The following KCNU1 variants were observed in gnomAD, a reference collection of about 807,000 sequenced individuals.
KCNU1 encodes the protein potassium calcium-activated channel subfamily U member 1, also known as potassium channel subfamily U member 1.
KCNU1 carries 93 observed loss-of-function variants against 126.8 expected under a neutral mutation model. The ratio of observed to expected loss-of-function variants is 0.73; its 90% CI spans 0.62 to 0.87. The LOEUF (loss-of-function observed/expected upper bound fraction) is 0.87. Ranked by LOEUF, KCNU1 falls within the 40% of genes least tolerant of loss-of-function variation. The pLI is 0.00. For missense variants in KCNU1, 1,330 were observed against 1,367.1 expected, an observed-to-expected ratio of 0.97 and a Z score of 0.43; for synonymous variants, 523 against 494.2, an observed-to-expected ratio of 1.06 and a Z score of -0.77.
At chr8:36,880,114 C>A (rs1806421831) in intron 19 of KCNU1, among the ~76,000 whole-genome samples, 1 of 152,182 alleles carries the variant, frequency 6.6e-6, no homozygotes, top group Non-Finnish European at 1.5e-5. Context: ...GTATAACATG[C>A]AGGACTGGAT....
Position 36,797,634 on chromosome 8 carries a change from C to CT in KCNU1, c.316-6380dup, listed in dbSNP as rs201410162. Among the ~76,000 whole-genome samples, 547 of 141,890 alleles carry CT rather than the reference C, an allele frequency of 3.9e-3. 6 individuals carry two copies. The highest frequency in any genetic ancestry group is 0.012 in the African/African-American group (463 of 38,464). The allele number at this position is 141,890 out of a possible 152,430, so 93.1% of individuals were successfully genotyped here. A position where few individuals can be genotyped will look rare whatever the true frequency, so the allele number is the denominator to read the frequency against. On this transcript the variant is annotated intron_variant, in intron 2 of 26. Coordinates refer to ENST00000399881, the MANE Select transcript of KCNU1 (RefSeq NM_001031836.3). ...CACTATTTCTTTCTGAATGTTTCTT[C>CT]TTTTTTTTTTTTTAAAGAAGTGCCC... is the stretch of plus-strand genomic sequence containing the variant.
At position 36,935,840 on chromosome 8, in the gene KCNU1, G is replaced by A. The variant is rs780335181; in HGVS notation, c.3370G>A (p.Asp1124Asn). The A allele has an allele frequency of 3.1e-6, 5 of 1,611,858 alleles. No individual in the cohort carries two copies. Among genetic ancestry groups the A allele is most frequent in the Non-Finnish European group, 4.2e-6 (5 of 1,179,040 alleles). Reference protein sequence around the residue: ...SIISSQIPLGDNAKENERKTS... With the variant: ...SIISSQIPLGNNAKENERKTS... ...TATATCATCTCAGATACCTTTAGGTGACAATGCAAAAGAAAATGAAAGGAA... is the reference window on the plus strand; with the variant it reads ...TATATCATCTCAGATACCTTTAGGTAACAATGCAAAAGAAAATGAAAGGAA... The change falls in exon 27 of 27, where the codon GAC (aspartate) becomes AAC (asparagine). Residue 1124 changes from aspartate to asparagine, a missense_variant. Coordinates refer to ENST00000399881, the MANE Select transcript of KCNU1 (RefSeq NM_001031836.3).
intron 18 of KCNU1, 27 bp from the exon 19 acceptor site, chr8:36,864,377 C>G (rs766215789): frequency 7.6e-7 from 1 of 1,320,668 alleles, no homozygotes; most frequent in East Asian, 2.3e-5. Context: ...GATGTGCCAA[C>G]TCACTGAGAT....
In KCNU1 at chr8:36,836,940, A is replaced by G. The variant is rs532794356; in HGVS notation, c.1513A>G (p.Lys505Glu). 2.5e-6 allele frequency: 4 copies of G among 1,613,574 alleles called. No individual in the cohort carries two copies. The highest frequency in any genetic ancestry group is 1.7e-5 in the Admixed American group (1 of 60,002). Residue 505 changes from lysine to glutamate, a missense_variant, in exon 14 of 27, where the codon AAA (lysine) becomes GAA (glutamate). Physicochemically the swap from Lys to Glu is moderately conservative, Grantham distance 56. Coordinates refer to ENST00000399881, the MANE Select transcript of KCNU1 (RefSeq NM_001031836.3). ...AACATCTCTATTTGTGGAGCAAAAC[A>G]AAAAGGTAACCTTGTAAATTACTGT... ...FLTSLFVEQN[K>E]KVMPKQTWKK...
chr8:36,843,924 A>C (rs1488417879), intron 16 of KCNU1, among the ~76,000 whole-genome samples: 1 of 152,206 alleles, frequency 6.6e-6, no homozygotes, highest in Non-Finnish European at 1.5e-5. Context: ...CAACCAGCCA[A>C]ATCATAAAGA....
intron 19 of KCNU1, among the ~76,000 whole-genome samples, chr8:36,901,590 C>T (rs930700462): frequency 5.3e-5 from 8 of 152,162 alleles, no homozygotes; most frequent in Non-Finnish European, 1.2e-4. Flanking sequence ...TGCTGCTCTA[C>T]ACAGCCACAA....
chr8:36,836,273 G>T (rs1179961465), intron 12 of KCNU1, 23 bp from the exon 13 acceptor site: 1 of 1,504,176 alleles, frequency 6.6e-7, no homozygotes, highest in Admixed American at 1.7e-5. Context: ...CATGACTAAT[G>T]AGAGTGTTTG....
intron 18 of KCNU1, among the ~76,000 whole-genome samples, chr8:36,859,429 C>G (rs1467327685): frequency 6.6e-6 from 1 of 152,120 alleles, no homozygotes; most frequent in Non-Finnish European, 1.5e-5. Flanking sequence ...CTTGGTCCCA[C>G]TACTTTCTCC....
chr8:36,928,915 G>C, intron 24 of KCNU1: 1 of 640,476 alleles, frequency 1.6e-6, no homozygotes, highest in Non-Finnish European at 2.8e-6. Flanking sequence ...GGAGATCTGG[G>C]ATCCCAGAAA....
At chr8:36,907,113 A>G (rs893425132) in intron 20 of KCNU1, among the ~76,000 whole-genome samples, 1 of 152,172 alleles carries the variant, frequency 6.6e-6, no homozygotes, top group Non-Finnish European at 1.5e-5. Context: ...TAAGTTTAGG[A>G]TGCCTTCTAG....
intron 12 of KCNU1, among the ~76,000 whole-genome samples, chr8:36,835,348 C>CTT (rs113877164): frequency 2.3e-3 from 319 of 141,690 alleles, no homozygotes; most frequent in Non-Finnish European, 4.0e-3. Context: ...CTTTTCTTTT[C>CTT]TTTTTTTTTT....
chr8:36,922,152 C>A (rs1028252217), intron 23 of KCNU1, among the ~76,000 whole-genome samples: 8 of 152,122 alleles, frequency 5.3e-5, no homozygotes, highest in East Asian at 1.9e-4. Flanking sequence ...GGGCAATTTT[C>A]GAGCATGCTC....
intron 19 of KCNU1, among the ~76,000 whole-genome samples, chr8:36,877,301 C>T (rs1484480318): frequency 1.3e-5 from 2 of 150,944 alleles, no homozygotes; most frequent in East Asian, 3.9e-4. Flanking sequence ...CTAGTTTTTC[C>T]TCTGTTTTTT....
chr8:36,804,118 G>A, intron 3 of KCNU1, 30 bp downstream of exon 3: 1 of 1,434,086 alleles, frequency 7.0e-7, no homozygotes, highest in Non-Finnish European at 9.6e-7. Flanking sequence ...ACACTTGTCT[G>A]CTATATCAGT....
At chr8:36,864,582 T>C in intron 19 of KCNU1, 61 bp downstream of exon 19, 2 of 927,706 alleles carry the variant, frequency 2.2e-6, no homozygotes, top group Non-Finnish European at 3.6e-6. Flanking sequence ...GGGCCATATA[T>C]ATTGTATTTA....
rs761180481 is a variant in KCNU1 at position 36,787,331 on chromosome 8, C to T, written c.221C>T (p.Ala74Val). The T allele has an allele frequency of 1.6e-5, 26 of 1,611,502 alleles. No homozygotes were observed. The highest frequency in any genetic ancestry group is 3.3e-5 in the Admixed American group (2 of 59,768). ...GAACTGTTCACATCAGGTACCATCG[C>T]TAGGAGCCATGTAAGAAGCCTCCAC... ...ILELFTSGTI[A>V]RSHVRSLHFQ... The change falls in exon 2 of 27, where the codon GCT becomes GTT. Residue 74 changes from alanine (A) to valine (V), a missense_variant. Physicochemically the swap from Ala to Val is moderately conservative, Grantham distance 64. This residue lies in a region of KCNU1 where 247 missense variants were observed against 255.4 expected (regional missense o/e 0.97). Transcript: ENST00000399881.
Position 36,854,893 on chromosome 8 carries a change from T to C in KCNU1, c.1891+8994T>C, listed in dbSNP as rs1423915405. The stretch of plus-strand genomic sequence containing the variant: ...TAGACTTTCCCAAAGTCTATCTCTC[T>C]GTCATTTGTGGCCATTGAATTTTCT... On this transcript the variant is annotated intron_variant, in intron 18 of 26. Coordinates refer to ENST00000399881, the MANE Select transcript of KCNU1 (RefSeq NM_001031836.3). Among the ~76,000 whole-genome samples, 3 of 152,206 alleles carry C rather than the reference T, an allele frequency of 2.0e-5. No individual in the cohort carries two copies. In the East Asian group the frequency reaches 5.8e-4, roughly 29 times the overall value.
intron 4 of KCNU1, among the ~76,000 whole-genome samples, chr8:36,805,854 A>AT (rs1333338908): frequency 1.3e-5 from 2 of 151,676 alleles, no homozygotes; most frequent in Admixed American, 1.3e-4. Flanking sequence ...AAAACATCTT[A>AT]TTTTTTTTAG....
At chr8:36,830,305 C>A (rs961517360) in intron 10 of KCNU1, among the ~76,000 whole-genome samples, 2 of 151,522 alleles carry the variant, frequency 1.3e-5, no homozygotes, top group African/African-American at 4.8e-5. Flanking sequence ...TTTAAAAGCA[C>A]CTTTAATATT....
Sources: gnomAD v4.1 joint callset for allele counts (sites outside exome capture counted in the v4.1 genomes callset) on GRCh38, gnomAD v4.1.1 for gene constraint, gnomAD v4.1.1 regional missense constraint, MANE v1.5 for transcripts, NCBI Gene and HGNC (gene_info 2026-07-23, HGNC 2026-07-21) for gene names.